Variants in DPP6 observed in about 807,000 individuals in gnomAD.
DPP6 encodes A-type potassium channel modulatory protein DPP6.
DPP6 carries 69 observed loss-of-function variants against 122.6 expected under a neutral mutation model. That is an observed-to-expected ratio of 0.56 (90% CI 0.46 to 0.69). The LOEUF (loss-of-function observed/expected upper bound fraction) is 0.69, where lower values mean the gene tolerates loss of function less well. DPP6 is among the 30% of genes least tolerant of loss of function. The pLI is 0.00. For missense variants in DPP6, 928 were observed against 1,116.9 expected (o/e 0.83, Z 2.41); for synonymous variants, 418 against 433.1 (o/e 0.97, Z 0.43).
intron 8 of DPP6, among the ~76,000 whole-genome samples, chr7:154,735,081 C>T (rs1450694386): frequency 1.3e-5 from 2 of 152,190 alleles, no homozygotes; most frequent in African/African-American, 4.8e-5. Context: ...GTGTTGAAAA[C>T]TCTGAAGCTC....
intron 4 of DPP6, among the ~76,000 whole-genome samples, chr7:154,544,175 C>T (rs1353817961): frequency 6.8e-6 from 1 of 147,112 alleles, no homozygotes; most frequent in Non-Finnish European, 1.5e-5. Flanking sequence ...ATATAGTGGG[C>T]TATTTCCTGA....
At chr7:153,943,706 G>A (rs1446092703) in intron 1 of DPP6, among the ~76,000 whole-genome samples, 1 of 152,200 alleles carries the variant, frequency 6.6e-6, no homozygotes, top group East Asian at 1.9e-4. Context: ...AGTGAGAAGA[G>A]TTTTTCATTG....
At position 154,892,856 on chromosome 7, in the gene DPP6, C is replaced by T. The variant is rs1287289097; in HGVS notation, c.*376C>T. ...ACCAAGCGGAAGCATGAGACCCGCC[C>T]ACACTAGCCTCTGTGTTCCCGTTAG... On this transcript the variant is annotated 3_prime_UTR_variant, in exon 26 of 26. Coordinates refer to ENST00000377770, the MANE Select transcript of DPP6 (RefSeq NM_130797.4). 1.9e-6 allele frequency: 1 copy of T among 539,782 alleles called. No individual in the cohort carries two copies. The highest frequency in any genetic ancestry group is 3.6e-6 in the Non-Finnish European group (1 of 274,120). The allele number at this position is 539,782 out of a possible 1,614,324, so 33.4% of individuals were successfully genotyped here. A position where few individuals can be genotyped will look rare whatever the true frequency, so the allele number is the denominator to read the frequency against.
Position 154,518,857 on chromosome 7 carries a change from G to A in DPP6, c.458-21675G>A, listed in dbSNP as rs1221366897. Among the ~76,000 whole-genome samples the A allele has an allele frequency of 2.6e-5, 4 of 151,990 alleles. No homozygotes were observed. In the East Asian group the frequency reaches 7.7e-4, roughly 29 times the overall value. On this transcript the variant is annotated intron_variant, in intron 3 of 25. Coordinates refer to ENST00000377770, the MANE Select transcript of DPP6 (RefSeq NM_130797.4). Reference sequence around the variant, plus strand: ...AATATCCCCATTTTTTTTCAGATGGGAGTATCAAGGCACAGAAAAGCCATA... The same window carrying A: ...AATATCCCCATTTTTTTTCAGATGGAAGTATCAAGGCACAGAAAAGCCATA...
At chr7:154,281,874 C>T (rs142716553) in intron 1 of DPP6, among the ~76,000 whole-genome samples, 2 of 152,186 alleles carry the variant, frequency 1.3e-5, no homozygotes, top group African/African-American at 4.8e-5. Flanking sequence ...GAGAAAGATA[C>T]AAACCACCCT....
intron 1 of DPP6, among the ~76,000 whole-genome samples, chr7:154,287,752 A>G (rs186509147): frequency 6.6e-6 from 1 of 152,148 alleles, no homozygotes; most frequent in Non-Finnish European, 1.5e-5. Flanking sequence ...ACTTTCCCTG[A>G]TTAAACCGGA....
chr7:154,738,139 T>C (rs2131400737), intron 8 of DPP6, among the ~76,000 whole-genome samples: 1 of 152,356 alleles, frequency 6.6e-6, no homozygotes, highest in African/African-American at 2.4e-5. Flanking sequence ...AAGTCTCAGA[T>C]GTCTGCGTGC....
chr7:154,497,726 G>A (rs970766777), intron 3 of DPP6, among the ~76,000 whole-genome samples: 2 of 152,046 alleles, frequency 1.3e-5, no homozygotes, highest in African/African-American at 2.4e-5. Flanking sequence ...ATAAATGTAT[G>A]CCCATTTTTT....
chr7:153,814,338 A>G, the DPP6 span, among the ~76,000 whole-genome samples: 1 of 152,242 alleles, frequency 6.6e-6, no homozygotes, highest in African/African-American at 2.4e-5. Context: ...CTCTATGCAA[A>G]TAAACTACAA....
chr7:154,889,008 A>G (rs1467698824), intron 23 of DPP6, among the ~76,000 whole-genome samples: 2 of 152,164 alleles, frequency 1.3e-5, no homozygotes, highest in African/African-American at 4.8e-5. Context: ...TGATTCATTC[A>G]TCTCCCACTG....
At chr7:153,772,332 C>T in the DPP6 span, among the ~76,000 whole-genome samples, 2 of 152,150 alleles carry the variant, frequency 1.3e-5, no homozygotes, top group Non-Finnish European at 2.9e-5. Flanking sequence ...CATCTGCCTG[C>T]CTTGGCCTTC....
the DPP6 span, among the ~76,000 whole-genome samples, chr7:153,826,984 A>T: frequency 8.8e-6 from 1 of 113,072 alleles, no homozygotes; most frequent in Non-Finnish European, 1.8e-5. Flanking sequence ...AATAAATAGA[A>T]CAGTGAAAAT....
At chr7:153,816,424 C>T in the DPP6 span, among the ~76,000 whole-genome samples, 1 of 152,042 alleles carries the variant, frequency 6.6e-6, no homozygotes, top group African/African-American at 2.4e-5. Context: ...TTAATTGTTG[C>T]TCTCCTATTT....
chr7:153,927,680 G>T (rs1335112072), intron 1 of DPP6, among the ~76,000 whole-genome samples: 1 of 152,188 alleles, frequency 6.6e-6, no homozygotes, highest in Non-Finnish European at 1.5e-5. Context: ...ATATGGAGAA[G>T]ATAGAAAAGG....
chr7:153,848,703 G>A, the DPP6 span, among the ~76,000 whole-genome samples: 29 of 152,254 alleles, frequency 1.9e-4, no homozygotes, highest in South Asian at 1.5e-3. Flanking sequence ...AACCCAGAAC[G>A]ATTCAAATCA....
At chr7:154,530,409 A>G (rs1411383194) in intron 3 of DPP6, among the ~76,000 whole-genome samples, 1 of 152,232 alleles carries the variant, frequency 6.6e-6, no homozygotes, top group African/African-American at 2.4e-5. Context: ...ACATCACATC[A>G]TTAGAGGAAT....
chr7:154,452,157 G>A (rs1820437974), intron 2 of DPP6, among the ~76,000 whole-genome samples: 3 of 152,230 alleles, frequency 2.0e-5, no homozygotes, highest in Admixed American at 1.3e-4. Flanking sequence ...CATGCTAAGT[G>A]CCAGACAGAA....
rs1156953230 is a variant in DPP6 at position 154,661,776 on chromosome 7, ACGCAG to A, written c.681-7583_681-7579del. Among the ~76,000 whole-genome samples, 472 of 141,964 alleles carry A rather than the reference ACGCAG, an allele frequency of 3.3e-3. 44 individuals are homozygous for A. The highest frequency in any genetic ancestry group is 5.4e-3 in the Admixed American group (77 of 14,256). The allele number at this position is 141,964 out of a possible 152,430, so 93.1% of individuals were successfully genotyped here. A position where few individuals can be genotyped will look rare whatever the true frequency, so the allele number is the denominator to read the frequency against. On this transcript the variant is annotated intron_variant, in intron 6 of 25. Coordinates refer to ENST00000377770, the MANE Select transcript of DPP6 (RefSeq NM_130797.4). The stretch of plus-strand genomic sequence containing the variant: ...CCATGGCGTGTTGGCCCTAGTGTTC[ACGCAG>A]TCATGGTGAATCACCATGGCGTGTT...
Position 154,256,998 on chromosome 7 carries a change from C to CTTTT in DPP6, c.244-189204_244-189201dup, listed in dbSNP as rs66710949. Among the ~76,000 whole-genome samples, 51 of 132,836 alleles carry CTTTT rather than the reference C, an allele frequency of 3.8e-4. 2 individuals carry two copies. The highest frequency in any genetic ancestry group is 4.6e-4 in the Admixed American group (6 of 12,928). 87.1% of individuals were successfully genotyped at this position (132,836 alleles called of 152,430 possible). A position where few individuals can be genotyped will look rare whatever the true frequency, so the allele number is the denominator to read the frequency against. On this transcript the variant is annotated intron_variant, in intron 1 of 25. Transcript: ENST00000377770. ...TTTTCTTTTTCTTTTTCTTCTTCTT[C>CTTTT]TTTTTTTTTTTTTTTGGAGACAGTG...
Sources: allele counts gnomAD v4.1 joint callset (sites outside exome capture counted in the v4.1 genomes callset), GRCh38; gene constraint gnomAD v4.1.1; transcripts MANE v1.5; gene names NCBI Gene and HGNC (gene_info 2026-07-23, HGNC 2026-07-21).